NUBPL: variants seen among roughly 807,000 people sequenced by gnomAD.
NUBPL encodes iron-sulfur cluster transfer protein NUBPL.
NUBPL carries 31 observed loss-of-function variants against 45.7 expected under a neutral mutation model. That is an observed-to-expected ratio of 0.68 (90% CI 0.51 to 0.92). The LOEUF is 0.92. Ranked by LOEUF, NUBPL falls within the 40% of genes least tolerant of loss-of-function variation. NUBPL has a pLI of 0.00. For missense variants in NUBPL, 401 were observed against 398.7 expected (o/e 1.01, Z -0.05); for synonymous variants, 144 against 140.9 (o/e 1.02, Z -0.15).
intron 4 of NUBPL, among the ~76,000 whole-genome samples, chr14:31,614,571 G>C (rs2034846753): frequency 6.6e-6 from 1 of 152,036 alleles, no homozygotes; most frequent in African/African-American, 2.4e-5. Context: ...GAAAACTTAT[G>C]ATTTTCTTAA....
At chr14:31,618,583 G>T (rs1343956121) in intron 4 of NUBPL, among the ~76,000 whole-genome samples, 1 of 152,136 alleles carries the variant, frequency 6.6e-6, no homozygotes, top group East Asian at 1.9e-4. Flanking sequence ...ATGTAGTTGT[G>T]CAGTTTTGAG....
intron 4 of NUBPL, among the ~76,000 whole-genome samples, chr14:31,599,924 C>CTTT (rs34188934): frequency 3.7e-5 from 5 of 135,282 alleles, no homozygotes; most frequent in Non-Finnish European, 4.7e-5. Context: ...AGTTTTTTTT[C>CTTT]TTTTTTTTTT....
chr14:31,702,752 A>T (rs2037366990), intron 6 of NUBPL, among the ~76,000 whole-genome samples: 1 of 152,208 alleles, frequency 6.6e-6, no homozygotes, highest in South Asian at 2.1e-4. Context: ...TAATTCTGTT[A>T]TACCCCACAT....
rs2039191560 is a variant in NUBPL, at chr14:31,781,558, A to G, written c.514-6222A>G. Among the ~76,000 whole-genome samples, 4 of 152,262 alleles carry G rather than the reference A, an allele frequency of 2.6e-5. No homozygotes were observed. In the South Asian group the frequency reaches 8.3e-4, roughly 31 times the overall value. On this transcript the variant is annotated intron_variant, in intron 6 of 10. Transcript: ENST00000281081. Reference sequence around the variant, plus strand: ...TTCAGAGAATGGCTATTAAAGAAACAGACTTCAGAATTAAAAATCAAAACC... The same window carrying G: ...TTCAGAGAATGGCTATTAAAGAAACGGACTTCAGAATTAAAAATCAAAACC...
At chr14:31,570,712 G>A (rs1435386528) in intron 3 of NUBPL, among the ~76,000 whole-genome samples, 12 of 151,974 alleles carry the variant, frequency 7.9e-5, no homozygotes, top group African/African-American at 1.2e-4. Context: ...ATTAAGGCAC[G>A]TGCTACTTTT....
intron 4 of NUBPL, among the ~76,000 whole-genome samples, chr14:31,669,839 C>T (rs1252206521): frequency 8.3e-6 from 1 of 120,142 alleles, no homozygotes; most frequent in Non-Finnish European, 1.7e-5. Flanking sequence ...GCCTAGTATT[C>T]CATGGTGTAT....
chr14:31,690,091 G>GAAAA (rs61028866), intron 6 of NUBPL, among the ~76,000 whole-genome samples: 49 of 148,502 alleles, frequency 3.3e-4, no homozygotes, highest in African/African-American at 1.2e-3. Flanking sequence ...ACTCATTCTG[G>GAAAA]AAAAAAAAAA....
intron 6 of NUBPL, among the ~76,000 whole-genome samples, chr14:31,729,659 T>C (rs1311820453): frequency 6.6e-6 from 1 of 152,084 alleles, no homozygotes; most frequent in Non-Finnish European, 1.5e-5. Flanking sequence ...TGTATTTTTC[T>C]TGTATTCAGC....
At chr14:31,604,859 A>T (rs577942150) in intron 4 of NUBPL, among the ~76,000 whole-genome samples, 30 of 152,330 alleles carry the variant, frequency 2.0e-4, no homozygotes, top group Non-Finnish European at 3.1e-4. Context: ...TCTTAGGCTG[A>T]GAATGTTTCC....
intron 7 of NUBPL, 74 bp downstream of exon 7, chr14:31,787,947 C>T: frequency 1.1e-6 from 1 of 931,972 alleles, no homozygotes; most frequent in Non-Finnish European, 1.7e-6. Flanking sequence ...AAACAAACTC[C>T]ATGTTAGGCA....
At chr14:31,657,635 A>G (rs1419551094) in intron 4 of NUBPL, among the ~76,000 whole-genome samples, 2 of 152,212 alleles carry the variant, frequency 1.3e-5, no homozygotes, top group African/African-American at 4.8e-5. Context: ...TAATATACAC[A>G]TGAACAGGCA....
At chr14:31,656,145 C>T (rs185310690) in intron 4 of NUBPL, among the ~76,000 whole-genome samples, 1 of 152,096 alleles carries the variant, frequency 6.6e-6, no homozygotes, top group Non-Finnish European at 1.5e-5. Context: ...AACTTTTCTT[C>T]TGTATCTTCC....
intron 6 of NUBPL, among the ~76,000 whole-genome samples, chr14:31,722,964 A>G (rs748151850): frequency 3.6e-4 from 54 of 151,626 alleles, no homozygotes; most frequent in Middle Eastern, 3.4e-3. Context: ...CCATTTGTCA[A>G]TTTTTGCTTT....
At chr14:31,783,106 G>A (rs1206619999) in intron 6 of NUBPL, among the ~76,000 whole-genome samples, 1 of 152,176 alleles carries the variant, frequency 6.6e-6, no homozygotes, top group African/African-American at 2.4e-5. Context: ...CTAACAAGGA[G>A]ACAGAAGGAA....
At chr14:31,723,475 G>T (rs1410896161) in intron 6 of NUBPL, among the ~76,000 whole-genome samples, 1 of 152,150 alleles carries the variant, frequency 6.6e-6, no homozygotes, top group Non-Finnish European at 1.5e-5. Flanking sequence ...CTAGTTCTGT[G>T]AAGAATGTAA....
intron 3 of NUBPL, among the ~76,000 whole-genome samples, chr14:31,582,868 G>A (rs1462707331): frequency 1.3e-5 from 2 of 152,152 alleles, no homozygotes; most frequent in Admixed American, 1.3e-4. Flanking sequence ...AAAGAAAAAG[G>A]AAAATTTGAA....
At chr14:31,810,352 T>A (rs901023675) in intron 7 of NUBPL, among the ~76,000 whole-genome samples, 2 of 152,144 alleles carry the variant, frequency 1.3e-5, no homozygotes, top group African/African-American at 4.8e-5. Flanking sequence ...TGTTGAATTG[T>A]TCCCTTTACC....
At position 31,821,125 on chromosome 14, in the gene NUBPL, AAAAT is replaced by A. The variant is rs71439870; in HGVS notation, c.608-5483_608-5480del. On this transcript the variant is annotated intron_variant, in intron 7 of 10. Transcript: ENST00000281081. ...GCAACAAGAGCGAAACTCCATCTCA[AAAAT>A]AAATAAATAAATAAATAAATGAAAT... 1.9e-3 allele frequency among the ~76,000 whole-genome samples: 283 copies of A among 150,698 alleles called. 1 individual carries two copies. The highest frequency in any genetic ancestry group is 6.4e-3 in the African/African-American group (264 of 41,364).
At chr14:31,564,693 A>T (rs2033389881) in intron 2 of NUBPL, among the ~76,000 whole-genome samples, 1 of 152,022 alleles carries the variant, frequency 6.6e-6, no homozygotes, top group Non-Finnish European at 1.5e-5. Context: ...ATATATTAAC[A>T]TGATTTTAAA....
Sources: gnomAD v4.1 joint callset for allele counts (sites outside exome capture counted in the v4.1 genomes callset) on GRCh38, gnomAD v4.1.1 for gene constraint, MANE v1.5 for transcripts, NCBI Gene and HGNC (gene_info 2026-07-23, HGNC 2026-07-21) for gene names.